Variants in PDE4D observed in about 807,000 individuals in gnomAD.
PDE4D encodes the protein phosphodiesterase 4D.
In PDE4D, 24 loss-of-function variants were observed where a neutral mutation model predicts 87.4. That is an observed-to-expected ratio of 0.27 (90% CI 0.20 to 0.39). The LOEUF (loss-of-function observed/expected upper bound fraction) is 0.39, where lower values mean the gene tolerates loss of function less well. Ranked by LOEUF, PDE4D falls within the 10% of genes least tolerant of loss-of-function variation. The probability of loss-of-function intolerance (pLI) is 1.00; values close to 1 mark genes in which losing one functional copy is unlikely to be tolerated. For missense variants in PDE4D, 714 were observed against 1,041.0 expected, an observed-to-expected ratio of 0.69 and a Z score of 4.32; for synonymous variants, 384 against 383.2, an observed-to-expected ratio of 1.00 and a Z score of -0.02.
At chr5:59,735,671 A>C (rs566509034) in intron 1 of PDE4D, among the ~76,000 whole-genome samples, 12 of 152,118 alleles carry the variant, frequency 7.9e-5, no homozygotes, top group African/African-American at 2.9e-4. Flanking sequence ...ACAGAAACAA[A>C]ACTTTTTTTT....
At chr5:60,437,862 A>G (rs1744884254) in intron 1 of PDE4D, among the ~76,000 whole-genome samples, 1 of 152,134 alleles carries the variant, frequency 6.6e-6, no homozygotes, top group South Asian at 2.1e-4. Context: ...CTGGCCATAG[A>G]AGCTATGATG....
At chr5:59,863,357 T>A (rs1040447662) in intron 1 of PDE4D, among the ~76,000 whole-genome samples, 1 of 152,156 alleles carries the variant, frequency 6.6e-6, no homozygotes, top group Admixed American at 6.5e-5. Context: ...ACTATTAACT[T>A]TTTGTTTTGT....
chr5:60,160,318 G>A (rs12188462), intron 2 of PDE4D, among the ~76,000 whole-genome samples: 4,034 of 152,120 alleles, frequency 0.027, 84 homozygotes, highest in South Asian at 0.044. Context: ...GCTGCACAGG[G>A]GTTGGTACCA....
At chr5:60,263,918 A>T (rs1749907266) in intron 1 of PDE4D, among the ~76,000 whole-genome samples, 1 of 152,098 alleles carries the variant, frequency 6.6e-6, no homozygotes, top group African/African-American at 2.4e-5. Flanking sequence ...AAATAAAAAT[A>T]ATATCACTAC....
intron 1 of PDE4D, among the ~76,000 whole-genome samples, chr5:59,704,840 T>C (rs1218831319): frequency 1.3e-5 from 2 of 152,118 alleles, no homozygotes; most frequent in East Asian, 3.9e-4. Flanking sequence ...CCAACTTACA[T>C]ACAAAATGGA....
chr5:58,985,407 T>A (rs1746170902), intron 11 of PDE4D, among the ~76,000 whole-genome samples: 1 of 152,100 alleles, frequency 6.6e-6, no homozygotes. Context: ...GTAAATACAA[T>A]TAGTATAAAA....
chr5:59,724,662 C>A (rs1355150207), intron 1 of PDE4D, among the ~76,000 whole-genome samples: 1 of 152,036 alleles, frequency 6.6e-6, no homozygotes, highest in Non-Finnish European at 1.5e-5. Flanking sequence ...CCTTCTCTAA[C>A]CCCCTTTCTC....
At chr5:59,387,962 C>A (rs1349375194) in intron 1 of PDE4D, among the ~76,000 whole-genome samples, 1 of 152,040 alleles carries the variant, frequency 6.6e-6, no homozygotes, top group Non-Finnish European at 1.5e-5. Flanking sequence ...CCCCACCCAT[C>A]AGCCCTGGTT....
intron 2 of PDE4D, among the ~76,000 whole-genome samples, chr5:60,134,726 G>A (rs1779885097): frequency 2.0e-5 from 3 of 152,118 alleles, no homozygotes; most frequent in African/African-American, 7.2e-5. Flanking sequence ...TGTTATGTAA[G>A]TAATTGTTAT....
intron 1 of PDE4D, among the ~76,000 whole-genome samples, chr5:59,771,132 AAAAT>A (rs201697322): frequency 0.021 from 2,993 of 143,200 alleles, 106 homozygotes; most frequent in African/African-American, 0.072. Context: ...ACCCAGCCTC[AAAAT>A]AAATAAATAA....
chr5:59,236,782 A>AG (rs920044960), intron 1 of PDE4D, among the ~76,000 whole-genome samples: 8 of 152,004 alleles, frequency 5.3e-5, no homozygotes, highest in African/African-American at 1.9e-4. Context: ...TGGAGAAAGA[A>AG]GGGAAAAAAG....
intron 5 of PDE4D, among the ~76,000 whole-genome samples, chr5:59,053,400 C>G (rs1277059880): frequency 7.1e-6 from 1 of 141,802 alleles, no homozygotes; most frequent in African/African-American, 2.7e-5. Flanking sequence ...CACACACACA[C>G]ACACACAATC....
At chr5:59,863,143 A>G (rs989978508) in intron 1 of PDE4D, among the ~76,000 whole-genome samples, 2 of 152,138 alleles carry the variant, frequency 1.3e-5, no homozygotes, top group Non-Finnish European at 2.9e-5. Context: ...CTATTTTGAA[A>G]ATCTACTTCC....
At chr5:59,608,619 A>G (rs1828550671) in intron 1 of PDE4D, among the ~76,000 whole-genome samples, 3 of 152,098 alleles carry the variant, frequency 2.0e-5, no homozygotes, top group Non-Finnish European at 4.4e-5. Context: ...TGGGTATGCT[A>G]CTTGGAAGAA....
At chr5:60,300,865 G>A (rs1753832374) in intron 1 of PDE4D, among the ~76,000 whole-genome samples, 2 of 152,110 alleles carry the variant, frequency 1.3e-5, no homozygotes, top group East Asian at 1.9e-4. Flanking sequence ...CCACCTCCCA[G>A]GTTCAAGCAA....
At chr5:59,804,381 C>T (rs1486211754) in intron 1 of PDE4D, among the ~76,000 whole-genome samples, 3 of 152,162 alleles carry the variant, frequency 2.0e-5, no homozygotes, top group Non-Finnish European at 4.4e-5. Flanking sequence ...AGTAGTAATC[C>T]ATAGGGCATA....
upstream of PDE4D, chr5:60,488,192 C>G (rs1182328826): frequency 2.0e-5 from 3 of 152,550 alleles, no homozygotes; most frequent in African/African-American, 7.2e-5. Context: ...TGGAACAACA[C>G]AGATGAGATA....
At chr5:60,403,890 A>C (rs895911591) in intron 1 of PDE4D, among the ~76,000 whole-genome samples, 3 of 152,218 alleles carry the variant, frequency 2.0e-5, no homozygotes, top group African/African-American at 7.2e-5. Context: ...TTCTCTTTTT[A>C]AGGTTGGACA....
At chr5:59,923,631 T>C (rs569724123) in intron 3 of PDE4D, among the ~76,000 whole-genome samples, 3 of 152,368 alleles carry the variant, frequency 2.0e-5, no homozygotes, top group African/African-American at 7.2e-5. Flanking sequence ...GACACCTCCA[T>C]GGGTCAGCAA....
Sources: allele counts gnomAD v4.1 joint callset (sites outside exome capture counted in the v4.1 genomes callset), GRCh38; gene constraint gnomAD v4.1.1; transcripts MANE v1.5; gene names NCBI Gene and HGNC (gene_info 2026-07-23, HGNC 2026-07-21).